The following NAV3 variants were observed in gnomAD, a reference collection of about 807,000 sequenced individuals.
NAV3 encodes neuron navigator 3, also known as pore membrane and/or filament interacting like protein 1.
Under a neutral mutation model 244.7 loss-of-function variants are expected in NAV3, and 87 were observed. The observed-to-expected ratio is 0.36, with a 90% confidence interval of 0.30 to 0.42. NAV3 has a LOEUF of 0.42. NAV3 is among the 20% of genes least tolerant of loss of function. NAV3 has a pLI of 1.00. For missense variants in NAV3, 2,663 were observed against 2,893.3 expected (o/e 0.92, Z 1.83); for synonymous variants, 1,126 against 1,042.2 (o/e 1.08, Z -1.55).
At chr12:77,902,204 G>A (rs1403114265) in intron 1 of NAV3, among the ~76,000 whole-genome samples, 1 of 152,168 alleles carries the variant, frequency 6.6e-6, no homozygotes, top group East Asian at 1.9e-4. Flanking sequence ...TAATCAGGAT[G>A]CTACTTTGCC....
intron 12 of NAV3, among the ~76,000 whole-genome samples, chr12:78,074,429 C>T (rs2137693330): frequency 6.6e-6 from 1 of 152,266 alleles, no homozygotes; most frequent in African/African-American, 2.4e-5. Flanking sequence ...TAGCCAGGCG[C>T]AGTGTCTCAT....
chr12:77,723,900 A>G (rs1222707873), intron 2 of NAV3, among the ~76,000 whole-genome samples: 1 of 151,140 alleles, frequency 6.6e-6, no homozygotes, highest in Non-Finnish European at 1.5e-5. Context: ...ATTGCTTCAT[A>G]CATATGAGAT....
At chr12:77,992,581 G>C (rs2136373367) in intron 5 of NAV3, among the ~76,000 whole-genome samples, 1 of 152,306 alleles carries the variant, frequency 6.6e-6, no homozygotes, top group South Asian at 2.1e-4. Flanking sequence ...AAATGGACAA[G>C]TCTTTCATTC....
chr12:77,961,807 CTA>C (rs1892046865), intron 3 of NAV3, among the ~76,000 whole-genome samples: 1 of 140,444 alleles, frequency 7.1e-6, no homozygotes, highest in Non-Finnish European at 1.5e-5. Flanking sequence ...GGCTGGTCCT[CTA>C]TGTATACATT....
rs1382641743 is a variant in NAV3, at chr12:78,161,057, G to A, written c.4869+1771G>A. 2.0e-5 allele frequency among the ~76,000 whole-genome samples: 3 copies of A among 152,084 alleles called. No individual in the cohort carries two copies. In the East Asian group the frequency reaches 5.8e-4, roughly 29 times the overall value. ...TAGAATTAGAAGGCTTTTTAGAGCAGCTGACGGGAAAGAATAAAAACACTG... is the reference window on the plus strand; with the variant it reads ...TAGAATTAGAAGGCTTTTTAGAGCAACTGACGGGAAAGAATAAAAACACTG... On this transcript the variant is annotated intron_variant, in intron 23 of 39. Coordinates refer to ENST00000397909, the MANE Select transcript of NAV3 (RefSeq NM_001024383.2).
intron 8 of NAV3, among the ~76,000 whole-genome samples, chr12:78,008,375 G>A (rs1017286649): frequency 6.6e-6 from 1 of 152,054 alleles, no homozygotes; most frequent in African/African-American, 2.4e-5. Flanking sequence ...CACTTTGCTT[G>A]TTGTTCTGTG....
Position 77,957,176 on chromosome 12 carries a change from C to G in NAV3, c.415-9053C>G, listed in dbSNP as rs111257223. 4.7e-3 allele frequency among the ~76,000 whole-genome samples: 714 copies of G among 152,296 alleles called. 7 individuals carry two copies. The highest frequency in any genetic ancestry group is 0.015 in the African/African-American group (626 of 41,566). On this transcript the variant is annotated intron_variant, in intron 3 of 39. Coordinates refer to ENST00000397909, the MANE Select transcript of NAV3 (RefSeq NM_001024383.2). ...TCTCTTTGGAATTTATCATGTTATG[C>G]CTTGCATTATGACAATTTATAAATC... is the stretch of plus-strand genomic sequence containing the variant.
chr12:77,796,090 G>A (rs1401465721), intron 2 of NAV3, among the ~76,000 whole-genome samples: 1 of 152,132 alleles, frequency 6.6e-6, no homozygotes, highest in Non-Finnish European at 1.5e-5. Flanking sequence ...CATTTCATAA[G>A]GATATAGCTG....
chr12:77,835,936 G>T (rs1229907355), intron 1 of NAV3, among the ~76,000 whole-genome samples: 1 of 152,126 alleles, frequency 6.6e-6, no homozygotes, highest in African/African-American at 2.4e-5. Flanking sequence ...TAGTCCCACT[G>T]TCCTTTAACA....
intron 11 of NAV3, among the ~76,000 whole-genome samples, chr12:78,058,129 T>A (rs762076742): frequency 2.5e-4 from 38 of 152,128 alleles, no homozygotes; most frequent in Admixed American, 4.6e-4. Flanking sequence ...TAGCAGCTGA[T>A]ATGAGATATT....
chr12:77,697,832 C>T lies in NAV3; in HGVS notation c.72+125566C>T, dbSNP rs150831796. On this transcript the variant is annotated intron_variant, in intron 2 of 8. Transcript: ENST00000550042. ...GAGCTTGAGAAAATAGATGTGTGAA[C>T]GATTAGCTTGGAATCCAGGGATTCC... Among the ~76,000 whole-genome samples the T allele has an allele frequency of 2.5e-3, 376 of 152,094 alleles. 3 individuals carry two copies. Among genetic ancestry groups the T allele is most frequent in the African/African-American group, 8.2e-3 (341 of 41,496 alleles).
chr12:77,650,211 C>T (rs1872763872), intron 2 of NAV3, among the ~76,000 whole-genome samples: 1 of 152,150 alleles, frequency 6.6e-6, no homozygotes, highest in Admixed American at 6.5e-5. Context: ...GTTCCTTACG[C>T]AAATAATCAC....
chr12:77,892,502 G>A (rs962811785), intron 1 of NAV3, among the ~76,000 whole-genome samples: 5 of 151,176 alleles, frequency 3.3e-5, no homozygotes, highest in African/African-American at 1.2e-4. Context: ...TGCAGTCTCC[G>A]CCTCCTGTGT....
chr12:78,061,352 A>G (rs1292535554), intron 12 of NAV3, among the ~76,000 whole-genome samples: 1 of 152,226 alleles, frequency 6.6e-6, no homozygotes, highest in African/African-American at 2.4e-5. Flanking sequence ...CAAGATAATG[A>G]GAATATTGAT....
At chr12:78,177,579 G>A (rs777333475) in intron 27 of NAV3, 41 bp from the exon 28 acceptor site, 10 of 1,543,420 alleles carry the variant, frequency 6.5e-6, no homozygotes, top group Non-Finnish European at 7.0e-6. Flanking sequence ...TCTTTTCATG[G>A]GCATTTGTCC....
chr12:77,835,552 A>G (rs955329087), intron 1 of NAV3, among the ~76,000 whole-genome samples: 1 of 152,184 alleles, frequency 6.6e-6, no homozygotes, highest in Non-Finnish European at 1.5e-5. Context: ...TCCTAGACTA[A>G]TATCTGGTAA....
chr12:78,095,952 C>A (rs570647059), intron 12 of NAV3, among the ~76,000 whole-genome samples: 1 of 152,118 alleles, frequency 6.6e-6, no homozygotes, highest in African/African-American at 2.4e-5. Flanking sequence ...AGTGGCAGAT[C>A]TGGAAGTAAC....
chr12:77,663,741 G>A (rs1288137422), intron 2 of NAV3, among the ~76,000 whole-genome samples: 2 of 152,016 alleles, frequency 1.3e-5, no homozygotes, highest in African/African-American at 2.4e-5. Context: ...GGCTGGTCTC[G>A]AACTCCTGAT....
intron 8 of NAV3, among the ~76,000 whole-genome samples, chr12:78,009,342 G>A (rs1874817332): frequency 1.3e-5 from 2 of 150,292 alleles, no homozygotes; most frequent in African/African-American, 4.9e-5. Context: ...GCATTAGAGA[G>A]GCTGAAGCAG....
Sources: gnomAD v4.1 joint callset for allele counts (sites outside exome capture counted in the v4.1 genomes callset) on GRCh38, gnomAD v4.1.1 for gene constraint, MANE v1.5 for transcripts, NCBI Gene and HGNC (gene_info 2026-07-23, HGNC 2026-07-21) for gene names.